MAGI3: variants seen among roughly 807,000 people sequenced by gnomAD.
MAGI3 encodes the protein membrane-associated guanylate kinase, WW and PDZ domain-containing protein 3.
MAGI3 carries 43 observed loss-of-function variants against 121.8 expected under a neutral mutation model. The ratio of observed to expected loss-of-function variants is 0.35; its 90% CI spans 0.28 to 0.46. MAGI3 has a LOEUF of 0.46. MAGI3 is among the 20% of genes least tolerant of loss of function. MAGI3 has a pLI of 1.00. For missense variants in MAGI3, 1,547 were observed against 1,797.3 expected (o/e 0.86, Z 2.52); for synonymous variants, 553 against 639.3 (o/e 0.86, Z 2.04).
At position 113,561,243 on chromosome 1, in the gene MAGI3, G is replaced by T. The variant is rs528254648; in HGVS notation, c.433+11612G>T. ...GCTATTCCAAACAATTGAAAAGGAGGGACTCCTCCCTAACCATTTTATGAG... is the reference window on the plus strand; with the variant it reads ...GCTATTCCAAACAATTGAAAAGGAGTGACTCCTCCCTAACCATTTTATGAG... On this transcript the variant is annotated intron_variant, in intron 2 of 20. Coordinates refer to ENST00000307546, the MANE Select transcript of MAGI3 (RefSeq NM_001142782.2). 6.6e-5 allele frequency among the ~76,000 whole-genome samples: 10 copies of T among 152,220 alleles called. No homozygotes were observed. In the South Asian group the frequency reaches 2.1e-3, roughly 32 times the overall value.
intron 1 of MAGI3, among the ~76,000 whole-genome samples, chr1:113,475,055 T>C (rs1655743902): frequency 6.6e-6 from 1 of 152,216 alleles, no homozygotes; most frequent in Non-Finnish European, 1.5e-5. Context: ...TAATGATGTA[T>C]AGGAATGCTT....
At chr1:113,488,948 G>A (rs1318999616) in intron 1 of MAGI3, among the ~76,000 whole-genome samples, 1 of 152,076 alleles carries the variant, frequency 6.6e-6, no homozygotes, top group Admixed American at 6.5e-5. Flanking sequence ...ACCAGCAGGG[G>A]CCCCCTGCGC....
chr1:113,569,495 T>C (rs775216372), intron 2 of MAGI3, among the ~76,000 whole-genome samples: 2 of 152,220 alleles, frequency 1.3e-5, no homozygotes, highest in African/African-American at 2.4e-5. Flanking sequence ...ATTTATTTTG[T>C]TAGTGTTCTA....
chr1:113,661,738 G>C (rs1653794348), intron 16 of MAGI3, among the ~76,000 whole-genome samples: 1 of 152,128 alleles, frequency 6.6e-6, no homozygotes, highest in Admixed American at 6.5e-5. Context: ...GAAAAGAGAA[G>C]GGTGGAGGGA....
chr1:113,478,723 C>T (rs1655972931), intron 1 of MAGI3, among the ~76,000 whole-genome samples: 3 of 152,222 alleles, frequency 2.0e-5, no homozygotes, highest in Admixed American at 6.5e-5. Flanking sequence ...CTTGAGGAGG[C>T]AGTCTGTCTG....
chr1:113,448,536 C>T (rs1227659797), intron 1 of MAGI3, among the ~76,000 whole-genome samples: 1 of 152,172 alleles, frequency 6.6e-6, no homozygotes, highest in African/African-American at 2.4e-5. Flanking sequence ...GCATTCTTGT[C>T]CTATAAACTA....
At chr1:113,612,400 G>T (rs757529970) in intron 6 of MAGI3, among the ~76,000 whole-genome samples, 2 of 152,070 alleles carry the variant, frequency 1.3e-5, no homozygotes, top group Non-Finnish European at 2.9e-5. Flanking sequence ...TTGAAGTCAA[G>T]AACTGGGTTA....
intron 1 of MAGI3, among the ~76,000 whole-genome samples, chr1:113,512,119 T>G (rs1275309443): frequency 6.6e-6 from 1 of 152,194 alleles, no homozygotes; most frequent in Non-Finnish European, 1.5e-5. Context: ...AAATAATTAT[T>G]CTTAGGGCAA....
chr1:113,453,521 A>C (rs989533923), intron 1 of MAGI3, among the ~76,000 whole-genome samples: 1 of 152,198 alleles, frequency 6.6e-6, no homozygotes, highest in Non-Finnish European at 1.5e-5. Context: ...ATTAAATTGC[A>C]TAATCACAAA....
At chr1:113,661,546 ACTT>A (rs995584100) in intron 16 of MAGI3, among the ~76,000 whole-genome samples, 2 of 152,160 alleles carry the variant, frequency 1.3e-5, no homozygotes, top group African/African-American at 4.8e-5. Flanking sequence ...AAAAAAAACT[ACTT>A]CTTTCTCCAG....
At chr1:113,663,512 G>A (rs1000501774) in intron 16 of MAGI3, among the ~76,000 whole-genome samples, 4 of 151,866 alleles carry the variant, frequency 2.6e-5, no homozygotes, top group Admixed American at 6.6e-5. Context: ...TTCAAGGTAC[G>A]TCCTAGTTGT....
intron 1 of MAGI3, among the ~76,000 whole-genome samples, chr1:113,469,075 C>T (rs903994970): frequency 2.0e-5 from 3 of 152,152 alleles, no homozygotes; most frequent in Non-Finnish European, 4.4e-5. Flanking sequence ...CAGGAAGAAA[C>T]CTACATCTAG....
chr1:113,668,872 G>A (rs529999714), intron 16 of MAGI3, among the ~76,000 whole-genome samples: 11 of 152,204 alleles, frequency 7.2e-5, no homozygotes, highest in East Asian at 3.9e-4. Flanking sequence ...GTGAGCCACC[G>A]CGCCCGGCCA....
chr1:113,560,040 C>T (rs1053004365), intron 2 of MAGI3, among the ~76,000 whole-genome samples: 3 of 152,174 alleles, frequency 2.0e-5, no homozygotes, highest in Admixed American at 6.5e-5. Flanking sequence ...TAGTTATCTA[C>T]AGAACTCTCC....
chr1:113,431,363 A>G (rs1403381488), intron 1 of MAGI3, among the ~76,000 whole-genome samples: 2 of 152,244 alleles, frequency 1.3e-5, no homozygotes, highest in East Asian at 3.9e-4. Context: ...TTTGTAAGTT[A>G]TTTAAAATAT....
rs1325686804 is a variant in MAGI3 at position 113,522,762 on chromosome 1, C to T, written c.317-26753C>T. ...AATTTTTTACTTTATGCCAAATTTT[C>T]CTTATTTCTGTAAGTGTGTGTGTAA... is the stretch of plus-strand genomic sequence containing the variant. On this transcript the variant is annotated intron_variant, in intron 1 of 20. Transcript: ENST00000307546. Among the ~76,000 whole-genome samples, 3 of 152,252 alleles carry T rather than the reference C, an allele frequency of 2.0e-5. No individual in the cohort carries two copies. In the East Asian group the frequency reaches 5.8e-4, roughly 29 times the overall value.
chr1:113,681,481 C>A, intron 20 of MAGI3, 145 bp downstream of exon 20: 1 of 822,002 alleles, frequency 1.2e-6, no homozygotes, highest in Non-Finnish European at 1.8e-6. Context: ...AGTTACATAG[C>A]AGAGTTATCA....
At chr1:113,480,094 A>G (rs971988425) in intron 1 of MAGI3, among the ~76,000 whole-genome samples, 8 of 151,988 alleles carry the variant, frequency 5.3e-5, no homozygotes, top group Non-Finnish European at 4.4e-5. Context: ...TAATTTGTAG[A>G]TCTGTATTTC....
Position 113,508,288 on chromosome 1 carries a change from A to C in MAGI3, c.317-41227A>C, listed in dbSNP as rs181967662. On this transcript the variant is annotated intron_variant, in intron 1 of 20. Transcript: ENST00000307546. The stretch of plus-strand genomic sequence containing the variant: ...TTAAGGGGAAAGAGAAGCAGAGGTG[A>C]ACTCTGTGAAGTGATTGAAAATAGA... Among the ~76,000 whole-genome samples, 62 of 152,330 alleles carry C rather than the reference A, an allele frequency of 4.1e-4. 1 individual carries two copies. The highest frequency in any genetic ancestry group is 1.3e-3 in the African/African-American group (55 of 41,582).
Sources: allele counts gnomAD v4.1 joint callset (sites outside exome capture counted in the v4.1 genomes callset), GRCh38; gene constraint gnomAD v4.1.1; transcripts MANE v1.5; gene names NCBI Gene and HGNC (gene_info 2026-07-23, HGNC 2026-07-21).